Variants in GPR179 observed in about 807,000 individuals in gnomAD.
GPR179 encodes G protein-coupled receptor 179, also known as probable G protein-coupled receptor 179.
Under a neutral mutation model 70.8 loss-of-function variants are expected in GPR179, and 52 were observed. The observed-to-expected ratio is 0.73, with a 90% CI of 0.59 to 0.93. The LOEUF (loss-of-function observed/expected upper bound fraction) is 0.93, where lower values mean the gene tolerates loss of function less well. GPR179 is among the 40% of genes least tolerant of loss of function. GPR179 has a pLI of 0.00. For synonymous variants in GPR179, 1,123 were observed against 1,169.0 expected, an observed-to-expected ratio of 0.96 and a Z score of 0.80; for missense variants, 2,734 against 2,966.8, an observed-to-expected ratio of 0.92 and a Z score of 1.82.
rs1371993991 is a variant in GPR179, at chr17:38,336,962, G to C, written c.1227+16C>G. Reference sequence around the variant, plus strand: ...TGGGTCGGACATGTGTGTAGGAGGTGTGGGGCCTTCCTTGCCTTGTTCCGG... The same window carrying C: ...TGGGTCGGACATGTGTGTAGGAGGTCTGGGGCCTTCCTTGCCTTGTTCCGG... On this transcript the variant is annotated intron_variant, in intron 4 of 10. Coordinates refer to ENST00000616987, the MANE Select transcript of GPR179 (RefSeq NM_001004334.4). 1.3e-6 allele frequency: 2 copies of C among 1,572,150 alleles called. No individual in the cohort carries two copies. Among genetic ancestry groups the C allele is most frequent in the South Asian group, 2.3e-5 (2 of 85,852 alleles).
chr17:38,343,846 C>T lies in GPR179; in HGVS notation c.-57G>A, dbSNP rs766392538. ...AGGCTCAGGAGAGCCCAGGCAGAGG[C>T]TGGCTGCAGTCTGGGGGCTGTCGGC... On this transcript the variant is annotated 5_prime_UTR_variant, in exon 1 of 11. Coordinates refer to ENST00000616987, the MANE Select transcript of GPR179 (RefSeq NM_001004334.4). This position sits in a 1 kb window ranked among gnomAD's most constrained non-coding sequence, Gnocchi z 4.2. The T allele has an allele frequency of 2.9e-5, 40 of 1,392,554 alleles. No homozygotes were observed. The highest frequency in any genetic ancestry group is 3.7e-5 in the Non-Finnish European group (39 of 1,057,286). The allele number at this position is 1,392,554 out of a possible 1,614,324, so 86.3% of individuals were successfully genotyped here.
rs375830919 is a variant in GPR179, at chr17:38,331,882, C to T, written c.2038-351G>A. On this transcript the variant is annotated intron_variant, in intron 10 of 10. Transcript: ENST00000616987. ...CTGAGCCTCTGGATCTTCTGTAAAG[C>T]AATGTTACCTGGGTGACCAGTGTTA... Among the ~76,000 whole-genome samples, 17 of 152,270 alleles carry T rather than the reference C, an allele frequency of 1.1e-4. No individual in the cohort carries two copies. The East Asian group carries it at 3.3e-3, about 29-fold the overall frequency.
rs568700464 is a variant in GPR179, at chr17:38,336,231, C to T, written c.1228-87G>A. 4 of 911,488 alleles carry T rather than the reference C, an allele frequency of 4.4e-6. No homozygotes were observed. In the African/African-American group the frequency reaches 4.9e-5, roughly 11 times the overall value. 56.5% of individuals were successfully genotyped at this position (911,488 alleles called of 1,614,324 possible). ...GCCTATGTGAACGGTCACTCAGTGA[C>T]CCTGAGCTAAGGCTTCACCCTGTAA... On this transcript the variant is annotated intron_variant, in intron 4 of 10. Coordinates refer to ENST00000616987, the MANE Select transcript of GPR179 (RefSeq NM_001004334.4).
In GPR179 at chr17:38,329,123, C is replaced by T. The variant is rs2037323302; in HGVS notation, c.4446G>A (p.Glu1482=). 1 of 1,614,008 alleles carries T rather than the reference C, an allele frequency of 6.2e-7. No homozygotes were observed. The highest frequency in any genetic ancestry group is 1.3e-5 in the African/African-American group (1 of 74,924). The change falls in exon 11 of 11, where the codon GAG becomes GAA. Residue 1482 remains glutamate, a synonymous_variant. Transcript: ENST00000616987. The part of the protein sequence containing the change: ...AIQKAEICPW[E]LDDNVMGQEM... Reference sequence around the variant, plus strand: ...CCTGCCCCATCACGTTATCATCCAGCTCCCAGGGACAGATCTCTGCTTTCT... The same window carrying T: ...CCTGCCCCATCACGTTATCATCCAGTTCCCAGGGACAGATCTCTGCTTTCT...
rs780969832 is a variant in GPR179, at chr17:38,331,101, A to C, written c.2468T>G (p.Leu823Arg). The C allele has an allele frequency of 1.2e-5, 20 of 1,601,626 alleles. No individual in the cohort carries two copies. The highest frequency in any genetic ancestry group is 3.3e-4 in the Middle Eastern group (2 of 5,992). Residue 823 changes from leucine (L) to arginine (R), a missense_variant, in exon 11 of 11, where the codon CTG becomes CGG. By Grantham distance (102) the Leu-to-Arg change is moderately radical (BLOSUM62 -2). Coordinates refer to ENST00000616987, the MANE Select transcript of GPR179 (RefSeq NM_001004334.4). ...LGFRSASAHN[L>R]TVGERLPRAR... The stretch of plus-strand genomic sequence containing the variant: ...TCTGGGTAGCCTCTCTCCCACCGTC[A>C]GGTTGTGGGCGCTGGCTGACCTGAA...
In GPR179 at chr17:38,331,387, CG is replaced by C. The variant is rs779820125; in HGVS notation, c.2181del (p.Glu728ArgfsTer63). ...RSFMRYLAEF[P>X]EALARQHSRD... ...CGGGAGTGCTGCCTGGCCAGGGCCT[CG>C]GGGAATTCCGCCAGGTACCTCATGA... On this transcript the variant is annotated frameshift_variant, in exon 11 of 11. Transcript: ENST00000616987. LOFTEE classifies it low-confidence loss of function (END_TRUNC). 1 of 1,613,958 alleles carries C rather than the reference CG, an allele frequency of 6.2e-7. No individual in the cohort carries two copies. Among genetic ancestry groups the C allele is most frequent in the Admixed American group, 1.7e-5 (1 of 60,016 alleles).
chr17:38,334,564 G>A lies in GPR179; in HGVS notation c.1784+140C>T. The stretch of plus-strand genomic sequence containing the variant: ...GGGGCATCTGGGGGGTAGGGAGAGA[G>A]CCAGAAGTGGGGGCCTTCGTCAACG... On this transcript the variant is annotated intron_variant, in intron 8 of 10. Coordinates refer to ENST00000616987, the MANE Select transcript of GPR179 (RefSeq NM_001004334.4). This position sits in a 1 kb window ranked among gnomAD's most constrained non-coding sequence, Gnocchi z 4.7. 1.2e-6 allele frequency: 1 copy of A among 816,274 alleles called. No individual in the cohort carries two copies. Among genetic ancestry groups the A allele is most frequent in the Non-Finnish European group, 2.0e-6 (1 of 508,618 alleles). 50.6% of individuals were successfully genotyped at this position (816,274 alleles called of 1,614,324 possible). A position where few individuals can be genotyped will look rare whatever the true frequency, so the allele number is the denominator to read the frequency against.
In GPR179 at chr17:38,331,137, G is replaced by T; in HGVS notation, c.2432C>A (p.Pro811His). Residue 811 changes from proline to histidine, a missense_variant, in exon 11 of 11, where the codon CCT becomes CAT. Pro to His is a moderately conservative substitution (Grantham distance 77). Transcript: ENST00000616987. ...GCTGGCTGACCTGAAGCCCAGGGCA[G>T]GGGGCCCCTCCACCGACTCCCGGCT... ...TESRESVEGPPALGFRSASAH... is the reference protein window; with the variant it reads ...TESRESVEGPHALGFRSASAH... The T allele has an allele frequency of 6.2e-7, 1 of 1,605,064 alleles. No homozygotes were observed.
chr17:38,328,808 A>G lies in GPR179; in HGVS notation c.4761T>C (p.Pro1587=). The G allele has an allele frequency of 6.2e-7, 1 of 1,610,696 alleles. No individual in the cohort carries two copies. The highest frequency in any genetic ancestry group is 8.5e-7 in the Non-Finnish European group (1 of 1,179,004). Residue 1587 remains proline (P), a synonymous_variant, in exon 11 of 11, where the codon CCT becomes CCC. Transcript: ENST00000616987. ...CCCAGGGACAGATTTCTGTTTTGGCAGGTGTTGCTTCCTGTGCCTCCGGCC... is the reference window on the plus strand; with the variant it reads ...CCCAGGGACAGATTTCTGTTTTGGCGGGTGTTGCTTCCTGTGCCTCCGGCC... ...DLRPEAQEAT[P]AKTEICPWEV...
chr17:38,340,898 C>G lies in GPR179; in HGVS notation c.795-1373G>C, dbSNP rs895929527. Among the ~76,000 whole-genome samples the G allele has an allele frequency of 3.3e-5, 5 of 152,166 alleles. No homozygotes were observed. In the East Asian group the frequency reaches 9.6e-4, roughly 29 times the overall value. ...GCGCCACTACACTTCAGCCTAGTGA[C>G]AGAGCAAGAGTCCATCTCAAAAACA... On this transcript the variant is annotated intron_variant, in intron 1 of 10. Transcript: ENST00000616987.
chr17:38,332,307 A>T (rs2037367013), intron 10 of GPR179, among the ~76,000 whole-genome samples: 1 of 152,140 alleles, frequency 6.6e-6, no homozygotes, highest in African/African-American at 2.4e-5. Context: ...GCTTCCCATG[A>T]TGGTTCCTAG....
intron 9 of GPR179, 82 bp from the exon 10 acceptor site, chr17:38,333,479 G>A (rs927976379): frequency 2.8e-5 from 39 of 1,388,456 alleles, no homozygotes; most frequent in Non-Finnish European, 3.3e-5. Context: ...TGTGGAATGC[G>A]TCCTTACTTT....
chr17:38,328,545 A>G lies in GPR179; in HGVS notation c.5024T>C (p.Leu1675Pro). Residue 1675 changes from leucine (L) to proline (P), a missense_variant, in exon 11 of 11, where the codon CTC becomes CCC. Physicochemically the swap from Leu to Pro is moderately conservative, Grantham distance 98 (BLOSUM62 -3). Coordinates refer to ENST00000616987, the MANE Select transcript of GPR179 (RefSeq NM_001004334.4). ...GCTTCCCACACTGCCTGACATCTGG[A>G]GAAGGGTTTGGGGTCTCTCTGTGTC... ...PQDTERPQTL[L>P]QMSGSVGSKA... The G allele has an allele frequency of 1.9e-6, 3 of 1,613,472 alleles. No homozygotes were observed. The highest frequency in any genetic ancestry group is 2.5e-6 in the Non-Finnish European group (3 of 1,179,894).
intron 2 of GPR179, 45 bp downstream of exon 2, chr17:38,339,372 G>T: frequency 8.1e-7 from 1 of 1,236,286 alleles, no homozygotes; most frequent in African/African-American, 1.5e-5. Context: ...GAAAAGGGGA[G>T]GGAGGCAGGA....
At chr17:38,333,498 T>A in intron 9 of GPR179, 101 bp from the exon 10 acceptor site, 1 of 1,193,522 alleles carries the variant, frequency 8.4e-7, no homozygotes. Flanking sequence ...TTGTGACGCT[T>A]CACCCCCTTC....
rs1406673222 is a variant in GPR179, at chr17:38,335,170, C to G, written c.1508G>C (p.Gly503Ala). 2 of 1,579,632 alleles carry G rather than the reference C, an allele frequency of 1.3e-6. No homozygotes were observed. The highest frequency in any genetic ancestry group is 1.7e-6 in the Non-Finnish European group (2 of 1,163,288). ...HLGLLLLPVL[G>A]FLAVWTVGAL... ...GCCCACGGTCCACACAGCCAGGAAG[C>G]CCAGCACAGGTAGCAGGAGCAGCCC... Residue 503 changes from glycine (G) to alanine (A), a missense_variant, in exon 7 of 11, where the codon GGC becomes GCC. By Grantham distance (60) the Gly-to-Ala change is moderately conservative. Transcript: ENST00000616987.
chr17:38,329,013 TC>T lies in GPR179; in HGVS notation c.4555del (p.Glu1519AsnfsTer4). On this transcript the variant is annotated frameshift_variant, in exon 11 of 11. Transcript: ENST00000616987. LOFTEE classifies it low-confidence loss of function (END_TRUNC). ...TTTCTGCACTGCTTTCACAGTTTGT[TC>T]CCCCATCTCTCCAAAGCTTCCTTTT... is the stretch of plus-strand genomic sequence containing the variant. ...SRKGSFGEMG[E>X]QTVKAVQKLS... 5 of 1,614,144 alleles carry T rather than the reference TC, an allele frequency of 3.1e-6. No homozygotes were observed. Among genetic ancestry groups the T allele is most frequent in the Non-Finnish European group, 4.2e-6 (5 of 1,180,026 alleles).
In GPR179 at chr17:38,335,627, G is replaced by C; in HGVS notation, c.1370C>G (p.Ala457Gly). The change falls in exon 6 of 11, where the codon GCC (alanine) becomes GGC (glycine). Residue 457 changes from alanine to glycine, a missense_variant. Physicochemically the swap from Ala to Gly is moderately conservative, Grantham distance 60. Coordinates refer to ENST00000616987, the MANE Select transcript of GPR179 (RefSeq NM_001004334.4). The part of the protein sequence containing the change: ...ALRWVRLLGF[A>G]IVYGTIILKL... The stretch of plus-strand genomic sequence containing the variant: ...GAGTATGATGGTGCCGTAGACGATG[G>C]CAAAACCCAGCAGCCGCACCCAGCG... 1 of 1,613,972 alleles carries C rather than the reference G, an allele frequency of 6.2e-7. No homozygotes were observed. The highest frequency in any genetic ancestry group is 1.7e-5 in the Admixed American group (1 of 60,016).
Position 38,330,805 on chromosome 17 carries a change from C to T in GPR179, c.2764G>A (p.Glu922Lys). ...DSSHTSGRLHEEARRRLPHPP... is the reference protein window; with the variant it reads ...DSSHTSGRLHKEARRRLPHPP... ...TGAGGCAGCCTTCTCCTAGCCTCCT[C>T]ATGAAGCCTCCCAGAGGTGTGAGAG... Residue 922 changes from glutamate (E) to lysine (K), a missense_variant, in exon 11 of 11, where the codon GAG becomes AAG. By Grantham distance (56) the Glu-to-Lys change is moderately conservative. Coordinates refer to ENST00000616987, the MANE Select transcript of GPR179 (RefSeq NM_001004334.4). The T allele has an allele frequency of 6.2e-7, 1 of 1,604,370 alleles. No homozygotes were observed. Among genetic ancestry groups the T allele is most frequent in the African/African-American group, 1.3e-5 (1 of 74,906 alleles).
Sources: gnomAD v4.1 joint callset for allele counts (sites outside exome capture counted in the v4.1 genomes callset) on GRCh38, gnomAD v4.1.1 for gene constraint, Gnocchi (gnomAD v3.1) non-coding constraint, MANE v1.5 for transcripts, NCBI Gene and HGNC (gene_info 2026-07-23, HGNC 2026-07-21) for gene names.